The following BCL2L11 variants were observed in gnomAD, a reference collection of about 807,000 sequenced individuals.
The protein encoded by BCL2L11 is BCL2 like 11.
In BCL2L11, 15 loss-of-function variants were observed where a neutral mutation model predicts 20.6. The observed-to-expected ratio is 0.73, with a 90% CI of 0.49 to 1.12. BCL2L11 has a LOEUF of 1.12. Among genes scored for constraint, BCL2L11 ranks in the 50% most tolerant of loss-of-function variants. The pLI is 0.00. For synonymous variants in BCL2L11, 108 were observed against 92.8 expected, an observed-to-expected ratio of 1.16 and a Z score of -0.94; for missense variants, 292 against 260.9, an observed-to-expected ratio of 1.12 and a Z score of -0.82.
At chr2:111,139,946 C>T (rs1274468991) in intron 2 of BCL2L11, among the ~76,000 whole-genome samples, 1 of 152,224 alleles carries the variant, frequency 6.6e-6, no homozygotes, top group Non-Finnish European at 1.5e-5. Context: ...CTGTGTGGAC[C>T]ACGAGGCAGC....
chr2:111,154,799 T>C lies in BCL2L11; in HGVS notation c.498+4652T>C, dbSNP rs141403079. Among the ~76,000 whole-genome samples the C allele has an allele frequency of 3.3e-5, 5 of 152,372 alleles. No individual in the cohort carries two copies. The East Asian group carries it at 7.7e-4, about 23-fold the overall frequency. The stretch of plus-strand genomic sequence containing the variant: ...CTTTCCTTTCTCTCTTATATAGTTA[T>C]TTAGTATAACAACTTGGATTCATAG... On this transcript the variant is annotated intron_variant, in intron 3 of 3. Coordinates refer to ENST00000393256, the MANE Select transcript of BCL2L11 (RefSeq NM_138621.5).
chr2:111,149,087 G>C (rs2076935375), intron 2 of BCL2L11, among the ~76,000 whole-genome samples: 1 of 152,162 alleles, frequency 6.6e-6, no homozygotes, highest in Admixed American at 6.5e-5. Context: ...AATAGCGGTG[G>C]AAATCCAAGA....
intron 3 of BCL2L11, among the ~76,000 whole-genome samples, chr2:111,155,508 TA>T (rs1437002116): frequency 2.6e-5 from 4 of 152,164 alleles, no homozygotes; most frequent in Non-Finnish European, 4.4e-5. Context: ...CCTTAGAATG[TA>T]AAAATGCTTA....
chr2:111,156,109 G>A (rs866755527), intron 3 of BCL2L11, among the ~76,000 whole-genome samples: 9 of 152,244 alleles, frequency 5.9e-5, no homozygotes, highest in Middle Eastern at 3.4e-3. Flanking sequence ...CAAAGGCAAG[G>A]ACTAAAGTTT....
chr2:111,127,582 G>C (rs928890188), intron 2 of BCL2L11, among the ~76,000 whole-genome samples: 3 of 152,088 alleles, frequency 2.0e-5, no homozygotes, highest in Non-Finnish European at 2.9e-5. Flanking sequence ...GATGTTGAGA[G>C]TCAGTCCAGC....
chr2:111,143,560 T>C (rs2076125056), intron 2 of BCL2L11, among the ~76,000 whole-genome samples: 1 of 152,184 alleles, frequency 6.6e-6, no homozygotes, highest in South Asian at 2.1e-4. Context: ...AATAGCATCG[T>C]AGCACTCAGT....
chr2:111,120,973 T>TGCCGCCGCCGCCGCC lies in BCL2L11; in HGVS notation c.-224_-223insCGCCGCCGCCGCCGC, dbSNP rs1336160533. Reference sequence around the variant, plus strand: ...GTTGGAGCTCTGCGTCCAGCGCCGCTGCCGCTGCCGCCGCCGCCGCCGCCG... The same window carrying TGCCGCCGCCGCCGCC: ...GTTGGAGCTCTGCGTCCAGCGCCGCTGCCGCCGCCGCCGCCGCCGCTGCCGCCGCCGCCGCCGCCG... On this transcript the variant is annotated 5_prime_UTR_variant, in exon 1 of 4. Coordinates refer to ENST00000393256, the MANE Select transcript of BCL2L11 (RefSeq NM_138621.5). The TGCCGCCGCCGCCGCC allele has an allele frequency of 3.7e-6, 1 of 271,116 alleles. No individual in the cohort carries two copies. The highest frequency in any genetic ancestry group is 4.6e-5 in the South Asian group (1 of 21,534). The allele number at this position is 271,116 out of a possible 1,614,324, so 16.8% of individuals were successfully genotyped here.
chr2:111,139,120 A>C (rs2075390548), intron 2 of BCL2L11, among the ~76,000 whole-genome samples: 1 of 152,186 alleles, frequency 6.6e-6, no homozygotes, highest in Non-Finnish European at 1.5e-5. Flanking sequence ...ACAAACAAGC[A>C]AGCAAAAAAG....
Position 111,164,350 on chromosome 2 carries a change from G to T in BCL2L11, c.*119G>T, listed in dbSNP as rs1350346266. On this transcript the variant is annotated 3_prime_UTR_variant, in exon 4 of 4. Coordinates refer to ENST00000393256, the MANE Select transcript of BCL2L11 (RefSeq NM_138621.5). ...CAGCCAGCGGTTCTCTTGTGGAGGG[G>T]GCAGGTGACGTTTCAGAAGACACCG... 1 of 737,296 alleles carries T rather than the reference G, an allele frequency of 1.4e-6. No individual in the cohort carries two copies. Among genetic ancestry groups the T allele is most frequent in the Non-Finnish European group, 2.4e-6 (1 of 411,438 alleles). The allele number at this position is 737,296 out of a possible 1,614,324, so 45.7% of individuals were successfully genotyped here.
At chr2:111,164,066 T>G (rs942854850) in intron 3 of BCL2L11, 67 bp from the exon 4 acceptor site, 6 of 917,556 alleles carry the variant, frequency 6.5e-6, no homozygotes, top group African/African-American at 6.5e-5. Context: ...CACTTAAATA[T>G]GGGCTCCCAC....
At chr2:111,153,871 T>C in intron 3 of BCL2L11, 1 of 1,550,364 alleles carries the variant, frequency 6.5e-7, no homozygotes, top group Admixed American at 2.0e-5. Flanking sequence ...CTGTGGAGGC[T>C]GAATCCTTGA....
intron 2 of BCL2L11, among the ~76,000 whole-genome samples, chr2:111,125,565 C>T (rs2072398880): frequency 6.6e-6 from 1 of 152,216 alleles, no homozygotes; most frequent in Non-Finnish European, 1.5e-5. Context: ...AACAAAATGA[C>T]ATTTCTAAAT....
rs577521047 is a variant in BCL2L11, at chr2:111,124,280, A to G, written c.394+141A>G. 1.1e-5 allele frequency: 12 copies of G among 1,060,044 alleles called. No individual in the cohort carries two copies. In the South Asian group the frequency reaches 2.4e-4, roughly 21 times the overall value. The allele number at this position is 1,060,044 out of a possible 1,614,324, so 65.7% of individuals were successfully genotyped here. A position where few individuals can be genotyped will look rare whatever the true frequency, so the allele number is the denominator to read the frequency against. On this transcript the variant is annotated intron_variant, in intron 2 of 3. Coordinates refer to ENST00000393256, the MANE Select transcript of BCL2L11 (RefSeq NM_138621.5). ...TAGATGGGAATGGAGGATGTGTCAA[A>G]CTATCAAACCAACTTTTTTTTTTTT...
At chr2:111,152,017 GTC>G (rs1402889896) in intron 3 of BCL2L11, 4 of 821,866 alleles carry the variant, frequency 4.9e-6, no homozygotes, top group Non-Finnish European at 7.8e-6. Flanking sequence ...GGAAGTGGCT[GTC>G]TCTATTGACT....
chr2:111,122,266 C>A (rs912136568), intron 1 of BCL2L11, among the ~76,000 whole-genome samples: 2 of 152,212 alleles, frequency 1.3e-5, no homozygotes, highest in Non-Finnish European at 2.9e-5. Flanking sequence ...GATGGCCCTG[C>A]GGGTCCGGGC....
At chr2:111,124,162 G>A (rs2150145944) in intron 2 of BCL2L11, 23 bp downstream of exon 2, 1 of 1,579,088 alleles carries the variant, frequency 6.3e-7, no homozygotes, top group African/African-American at 1.4e-5. Context: ...TGGGTAAGAG[G>A]CAGTTGACGT....
intron 2 of BCL2L11, among the ~76,000 whole-genome samples, chr2:111,133,756 G>A (rs1475578605): frequency 6.6e-6 from 1 of 152,150 alleles, no homozygotes; most frequent in African/African-American, 2.4e-5. Flanking sequence ...GGTTGATTGT[G>A]TTGTTCAGTT....
intron 2 of BCL2L11, among the ~76,000 whole-genome samples, chr2:111,134,691 T>C (rs2074541631): frequency 6.6e-6 from 1 of 152,228 alleles, no homozygotes; most frequent in Non-Finnish European, 1.5e-5. Flanking sequence ...CTTAGTTCTT[T>C]AATGATAGGT....
chr2:111,123,139 G>C (rs1574861379), intron 1 of BCL2L11: 4 of 984,720 alleles, frequency 4.1e-6, no homozygotes, highest in Non-Finnish European at 3.6e-6. Context: ...CGGTACGGGA[G>C]CGGGAGGGAG....
Sources: allele counts gnomAD v4.1 joint callset (sites outside exome capture counted in the v4.1 genomes callset), GRCh38; gene constraint gnomAD v4.1.1; transcripts MANE v1.5; gene names NCBI Gene and HGNC (gene_info 2026-07-23, HGNC 2026-07-21).